Variants in ZFHX3 observed in about 807,000 individuals in gnomAD.
The protein encoded by ZFHX3 is zinc finger homeobox 3, also known as zinc finger homeobox protein 3.
In ZFHX3, 42 loss-of-function variants were observed where a neutral mutation model predicts 279.1. The observed-to-expected ratio is 0.15, with a 90% CI of 0.12 to 0.19. ZFHX3 has a LOEUF of 0.19. Among genes scored for constraint, ZFHX3 ranks in the 10% least tolerant of loss-of-function variants. The pLI is 1.00. For synonymous variants in ZFHX3, 2,293 were observed against 1,957.8 expected, an observed-to-expected ratio of 1.17 and a Z score of -4.52; for missense variants, 4,981 against 4,754.0, an observed-to-expected ratio of 1.05 and a Z score of -1.40.
intron 2 of ZFHX3, among the ~76,000 whole-genome samples, chr16:73,510,499 G>A (rs1265072788): frequency 1.1e-4 from 17 of 152,110 alleles, no homozygotes; most frequent in Admixed American, 1.1e-3. Flanking sequence ...TTCATCCGAG[G>A]CTTCAACTAA....
At chr16:72,865,053 C>T (rs1307628222) in intron 4 of ZFHX3, among the ~76,000 whole-genome samples, 1 of 152,212 alleles carries the variant, frequency 6.6e-6, no homozygotes, top group African/African-American at 2.4e-5. Context: ...GCATTCCTGC[C>T]TACTGTCAGG....
chr16:73,592,686 C>T (rs1293711714), intron 2 of ZFHX3, among the ~76,000 whole-genome samples: 1 of 151,836 alleles, frequency 6.6e-6, no homozygotes, highest in East Asian at 1.9e-4. Context: ...CCTTAGGGTT[C>T]ATTTTACTCT....
intron 5 of ZFHX3, among the ~76,000 whole-genome samples, chr16:72,814,445 A>G (rs543792566): frequency 1.3e-5 from 2 of 152,284 alleles, no homozygotes; most frequent in East Asian, 3.9e-4. Context: ...AGAGCTGAAA[A>G]GCAAACACAG....
chr16:73,588,707 C>CAAA (rs35010044), intron 2 of ZFHX3, among the ~76,000 whole-genome samples: 9 of 134,256 alleles, frequency 6.7e-5, no homozygotes, highest in African/African-American at 2.3e-4. Context: ...AAAAACAAAA[C>CAAA]AAAAAAAAAA....
At chr16:73,813,921 C>CTAT (rs775626281) in intron 1 of ZFHX3, 5 of 152,220 alleles carry the variant, frequency 3.3e-5, no homozygotes, top group Non-Finnish European at 7.3e-5. Context: ...GCTTAATCTA[C>CTAT]TATTAGTTGG....
chr16:73,639,068 A>C (rs2052551794), intron 2 of ZFHX3, among the ~76,000 whole-genome samples: 2 of 152,226 alleles, frequency 1.3e-5, no homozygotes, highest in Admixed American at 1.3e-4. Context: ...GAAGCCATAC[A>C]GAAAAAAATA....
At chr16:73,413,566 G>A (rs920215524) in intron 3 of ZFHX3, among the ~76,000 whole-genome samples, 16 of 152,208 alleles carry the variant, frequency 1.1e-4, no homozygotes, top group Non-Finnish European at 2.9e-5. Context: ...CTATGCTGGG[G>A]GCTGGGGTGG....
intron 1 of ZFHX3, among the ~76,000 whole-genome samples, chr16:73,786,546 T>C (rs1277235023): frequency 6.6e-6 from 1 of 152,174 alleles, no homozygotes; most frequent in Non-Finnish European, 1.5e-5. Flanking sequence ...GGAGGAATCC[T>C]CTCAATTCCA....
intron 8 of ZFHX3, among the ~76,000 whole-genome samples, chr16:73,081,054 A>C (rs554250658): frequency 2.0e-5 from 3 of 152,204 alleles, no homozygotes; most frequent in Non-Finnish European, 4.4e-5. Flanking sequence ...GATTTGGTGC[A>C]TTGCCTTGGT....
intron 1 of ZFHX3, among the ~76,000 whole-genome samples, chr16:73,732,937 A>T (rs1235015852): frequency 6.6e-6 from 1 of 152,192 alleles, no homozygotes; most frequent in African/African-American, 2.4e-5. Context: ...CCTGTCATGG[A>T]TCATATAGAA....
intron 5 of ZFHX3, among the ~76,000 whole-genome samples, chr16:72,822,225 T>C (rs559065813): frequency 2.6e-5 from 4 of 152,234 alleles, no homozygotes; most frequent in Non-Finnish European, 5.9e-5. Flanking sequence ...GGTTGCCACA[T>C]AGCTCCTAAC....
At chr16:72,813,958 C>CTTAA (rs2143613827) in intron 5 of ZFHX3, among the ~76,000 whole-genome samples, 1 of 152,310 alleles carries the variant, frequency 6.6e-6, no homozygotes, top group Non-Finnish European at 1.5e-5. Flanking sequence ...GTTTCAGGAA[C>CTTAA]TTAAGTTCCC....
chr16:73,179,489 T>C (rs940079222), intron 5 of ZFHX3, among the ~76,000 whole-genome samples: 5 of 152,156 alleles, frequency 3.3e-5, no homozygotes, highest in Non-Finnish European at 1.5e-5. Flanking sequence ...GTTACAAATT[T>C]ACTAGCACAA....
chr16:73,438,908 A>G (rs2018040383), intron 3 of ZFHX3, among the ~76,000 whole-genome samples: 1 of 152,234 alleles, frequency 6.6e-6, no homozygotes. Flanking sequence ...AGCCAGGACC[A>G]GAGACAAAGG....
chr16:72,787,077 G>A lies in ZFHX3; in HGVS notation c.*87C>T. 1.1e-6 allele frequency: 1 copy of A among 885,438 alleles called. No individual in the cohort carries two copies. Among genetic ancestry groups the A allele is most frequent in the Non-Finnish European group, 1.5e-6 (1 of 670,112 alleles). The allele number at this position is 885,438 out of a possible 1,614,324, so 54.8% of individuals were successfully genotyped here. ...TTTTTGTTTTTTGGTTAGAAGCTTT[G>A]GAATTGCAGTTAGTCTATTTTTGAA... On this transcript the variant is annotated 3_prime_UTR_variant, in exon 10 of 10. Transcript: ENST00000268489.
intron 5 of ZFHX3, among the ~76,000 whole-genome samples, chr16:73,255,534 C>T (rs1226782024): frequency 6.6e-6 from 1 of 152,164 alleles, no homozygotes. Context: ...ACAACAGCAA[C>T]ACTATATTCT....
chr16:73,112,697 C>G (rs960233259), intron 7 of ZFHX3, among the ~76,000 whole-genome samples: 1 of 110,782 alleles, frequency 9.0e-6, no homozygotes, highest in Non-Finnish European at 1.7e-5. Context: ...GCCTGGGCGA[C>G]GGCGTGAGAC....
At chr16:73,887,564 A>G (rs1176925790) in intron 1 of ZFHX3, among the ~76,000 whole-genome samples, 1 of 151,962 alleles carries the variant, frequency 6.6e-6, no homozygotes, top group Non-Finnish European at 1.5e-5. Context: ...CGGCAACAAC[A>G]AAAAAAAGCA....
At chr16:73,794,584 T>C (rs1959936657) in intron 1 of ZFHX3, among the ~76,000 whole-genome samples, 1 of 152,070 alleles carries the variant, frequency 6.6e-6, no homozygotes, top group Non-Finnish European at 1.5e-5. Flanking sequence ...AGAGGGGACA[T>C]AGGGACCCCC....
Sources: allele counts gnomAD v4.1 joint callset (sites outside exome capture counted in the v4.1 genomes callset), GRCh38; gene constraint gnomAD v4.1.1; transcripts MANE v1.5; gene names NCBI Gene and HGNC (gene_info 2026-07-23, HGNC 2026-07-21).